The following STK32B variants were observed in gnomAD, a reference collection of about 807,000 sequenced individuals.
The protein encoded by STK32B is serine/threonine kinase 32B.
In STK32B, 43 loss-of-function variants were observed where a neutral mutation model predicts 52.6. The observed-to-expected ratio is 0.82, with a 90% CI of 0.64 to 1.05. The LOEUF is 1.05. STK32B is among the 50% of genes least tolerant of loss of function. The probability of loss-of-function intolerance (pLI) is 0.00; values close to 1 mark genes in which losing one functional copy is unlikely to be tolerated. For missense variants in STK32B, 621 were observed against 534.6 expected, an observed-to-expected ratio of 1.16 and a Z score of -1.59; for synonymous variants, 238 against 204.3, an observed-to-expected ratio of 1.17 and a Z score of -1.41.
At chr4:5,429,112 C>G (rs1275872303) in intron 6 of STK32B, among the ~76,000 whole-genome samples, 3 of 152,198 alleles carry the variant, frequency 2.0e-5, no homozygotes, top group Non-Finnish European at 4.4e-5. Context: ...ACAGTATGCT[C>G]TTGTGAGCCA....
intron 3 of STK32B, among the ~76,000 whole-genome samples, chr4:5,243,839 T>C (rs1227268595): frequency 2.6e-5 from 4 of 152,284 alleles, no homozygotes; most frequent in African/African-American, 9.6e-5. Flanking sequence ...GAGATAATCA[T>C]GTGGTTTTTG....
At chr4:5,427,768 G>A (rs1386713144) in intron 6 of STK32B, among the ~76,000 whole-genome samples, 1 of 151,922 alleles carries the variant, frequency 6.6e-6, no homozygotes, top group East Asian at 1.9e-4. Flanking sequence ...GTCCTGAATT[G>A]GTAATTGATG....
intron 6 of STK32B, among the ~76,000 whole-genome samples, chr4:5,419,413 T>C (rs1712438730): frequency 6.6e-6 from 1 of 152,200 alleles, no homozygotes; most frequent in African/African-American, 2.4e-5. Flanking sequence ...GAAGGAGTTG[T>C]GGCTGGGTGG....
chr4:5,053,067 G>C (rs1445762142), intron 1 of STK32B, among the ~76,000 whole-genome samples: 2 of 152,186 alleles, frequency 1.3e-5, no homozygotes, highest in African/African-American at 2.4e-5. Context: ...ATGGCTTCTA[G>C]AACTCCCAAG....
At chr4:5,420,764 G>C (rs1476965389) in intron 6 of STK32B, among the ~76,000 whole-genome samples, 1 of 152,198 alleles carries the variant, frequency 6.6e-6, no homozygotes, top group Admixed American at 6.5e-5. Context: ...AAGGGCAGCA[G>C]CTCCCATTAG....
Position 5,113,508 on chromosome 4 carries a change from A to G in STK32B, c.53-26397A>G, listed in dbSNP as rs73089659. Among the ~76,000 whole-genome samples, 1,158 of 152,302 alleles carry G rather than the reference A, an allele frequency of 7.6e-3. 19 individuals are homozygous for G. Among genetic ancestry groups the G allele is most frequent in the African/African-American group, 0.026 (1,099 of 41,568 alleles). On this transcript the variant is annotated intron_variant, in intron 1 of 11. Coordinates refer to ENST00000282908, the MANE Select transcript of STK32B (RefSeq NM_018401.3). ...GAATAAGTACTTCGTGTTATAAGCT[A>G]TTAAGGTTTTGGGTTTGTTTATTAC...
rs1277096804 is a variant in STK32B at position 5,159,740 on chromosome 4, A to AATAT, written c.109-8556_109-8553dup. 1.0e-4 allele frequency among the ~76,000 whole-genome samples: 13 copies of AATAT among 130,022 alleles called. 1 individual carries two copies. Among genetic ancestry groups the AATAT allele is most frequent in the South Asian group, 2.2e-4 (1 of 4,522 alleles). 85.3% of individuals were successfully genotyped at this position (130,022 alleles called of 152,430 possible). Reference sequence around the variant, plus strand: ...ATGAATGTATATGAATATATATATGAATATATGAATGTATATGAATATATA... The same window carrying AATAT: ...ATGAATGTATATGAATATATATATGAATATATATATGAATGTATATGAATATATA... On this transcript the variant is annotated intron_variant, in intron 2 of 11. Coordinates refer to ENST00000282908, the MANE Select transcript of STK32B (RefSeq NM_018401.3).
intron 7 of STK32B, among the ~76,000 whole-genome samples, chr4:5,448,458 A>G (rs975130890): frequency 3.9e-5 from 6 of 152,200 alleles, no homozygotes; most frequent in African/African-American, 7.2e-5. Context: ...TATGTAATCA[A>G]TCACAGCAAT....
intron 6 of STK32B, among the ~76,000 whole-genome samples, chr4:5,440,506 T>C (rs1272559325): frequency 6.6e-6 from 1 of 152,198 alleles, no homozygotes; most frequent in African/African-American, 2.4e-5. Context: ...GATTTTGGGC[T>C]GAGACAATGG....
intron 3 of STK32B, among the ~76,000 whole-genome samples, chr4:5,286,866 T>C (rs73087493): frequency 0.15 from 21,676 of 149,338 alleles, 4,735 homozygotes; most frequent in African/African-American, 0.48. Flanking sequence ...GACGCGATCT[T>C]GGCTCACTGC....
At chr4:5,434,424 GTGCATGTA>G (rs1316571013) in intron 6 of STK32B, among the ~76,000 whole-genome samples, 52 of 141,738 alleles carry the variant, frequency 3.7e-4, no homozygotes, top group Non-Finnish European at 6.9e-4. Flanking sequence ...TGCTATATGT[GTGCATGTA>G]TGTGTGTGTG....
chr4:5,077,084 A>C (rs1712126356), intron 1 of STK32B, among the ~76,000 whole-genome samples: 1 of 152,126 alleles, frequency 6.6e-6, no homozygotes, highest in East Asian at 1.9e-4. Context: ...CTGAACTGTA[A>C]GCTCCATGTG....
At chr4:5,366,526 G>T (rs1330770101) in intron 4 of STK32B, among the ~76,000 whole-genome samples, 1 of 152,186 alleles carries the variant, frequency 6.6e-6, no homozygotes, top group Non-Finnish European at 1.5e-5. Context: ...GAAGATTCTG[G>T]ATGCTTTGGA....
intron 4 of STK32B, among the ~76,000 whole-genome samples, chr4:5,362,390 C>A (rs149496625): frequency 6.6e-6 from 1 of 152,324 alleles, no homozygotes; most frequent in Non-Finnish European, 1.5e-5. Flanking sequence ...TGGTTCACCT[C>A]TCTGCCTCAA....
intron 3 of STK32B, among the ~76,000 whole-genome samples, chr4:5,317,124 T>TATGA (rs1202368746): frequency 3.0e-5 from 1 of 33,642 alleles, no homozygotes; most frequent in Non-Finnish European, 4.1e-5. Flanking sequence ...ATATAATACA[T>TATGA]TATAATATAT....
intron 2 of STK32B, among the ~76,000 whole-genome samples, chr4:5,163,949 T>C (rs1470452395): frequency 1.3e-5 from 2 of 152,160 alleles, no homozygotes; most frequent in Non-Finnish European, 2.9e-5. Context: ...ATGGGCCACA[T>C]GCTATGGCTG....
At chr4:5,271,000 C>T (rs1231055806) in intron 3 of STK32B, among the ~76,000 whole-genome samples, 2 of 145,192 alleles carry the variant, frequency 1.4e-5, no homozygotes, top group African/African-American at 5.0e-5. Flanking sequence ...TGCAGGGGTG[C>T]GATCTCAGCC....
At chr4:5,055,560 C>G (rs1172837159) in intron 1 of STK32B, among the ~76,000 whole-genome samples, 2 of 152,182 alleles carry the variant, frequency 1.3e-5, no homozygotes, top group East Asian at 1.9e-4. Flanking sequence ...AATCCTCCCT[C>G]CAGCCCTAGG....
chr4:5,376,401 CTT>C (rs1396927649), intron 4 of STK32B, among the ~76,000 whole-genome samples: 21 of 152,118 alleles, frequency 1.4e-4, no homozygotes, highest in African/African-American at 4.3e-4. Context: ...CTCTCTCTCT[CTT>C]TCTCTCTCTC....
Sources: gnomAD v4.1 joint callset for allele counts (sites outside exome capture counted in the v4.1 genomes callset) on GRCh38, gnomAD v4.1.1 for gene constraint, MANE v1.5 for transcripts, NCBI Gene and HGNC (gene_info 2026-07-23, HGNC 2026-07-21) for gene names.